Variants in RABGEF1 observed in about 807,000 individuals in gnomAD.
The protein encoded by RABGEF1 is rab5 GDP/GTP exchange factor.
Under a neutral mutation model 57.3 loss-of-function variants are expected in RABGEF1, and 26 were observed. The observed-to-expected ratio is 0.45, with a 90% CI of 0.33 to 0.63. RABGEF1 has a LOEUF of 0.63. Among genes scored for constraint, RABGEF1 ranks in the 20% least tolerant of loss-of-function variants. The pLI is 0.02. For synonymous variants in RABGEF1, 185 were observed against 210.7 expected, an observed-to-expected ratio of 0.88 and a Z score of 1.06; for missense variants, 464 against 607.6, an observed-to-expected ratio of 0.76 and a Z score of 2.48.
intron 1 of RABGEF1, among the ~76,000 whole-genome samples, chr7:66,711,613 G>A (rs1195692715): frequency 1.3e-5 from 2 of 151,294 alleles, no homozygotes; most frequent in Non-Finnish European, 2.9e-5. Flanking sequence ...TTGAGATGGA[G>A]TCTTGCTCTG....
chr7:66,744,021 T>TTTTTC (rs147814665), intron 1 of RABGEF1, among the ~76,000 whole-genome samples: 13 of 148,354 alleles, frequency 8.8e-5, no homozygotes, highest in East Asian at 5.9e-4. Flanking sequence ...ATTATTTGCT[T>TTTTTC]TTTTCTTTTC....
chr7:66,748,227 C>G (rs1417226322), intron 1 of RABGEF1, among the ~76,000 whole-genome samples: 1 of 152,136 alleles, frequency 6.6e-6, no homozygotes, highest in Non-Finnish European at 1.5e-5. Context: ...GACATAACAT[C>G]AAAACATTCC....
chr7:66,804,671 G>C (rs529310752), intron 7 of RABGEF1, among the ~76,000 whole-genome samples: 169 of 151,300 alleles, frequency 1.1e-3, no homozygotes, highest in African/African-American at 3.8e-3. Context: ...GGAGGCGGAG[G>C]TTGCAGTGAG....
Position 66,702,936 on chromosome 7 carries a change from C to G in RABGEF1, c.-872-9231C>G, listed in dbSNP as rs188713034. 4.6e-3 allele frequency among the ~76,000 whole-genome samples: 700 copies of G among 152,064 alleles called. 8 individuals carry two copies. The highest frequency in any genetic ancestry group is 0.016 in the African/African-American group (668 of 41,496). On this transcript the variant is annotated intron_variant and NMD_transcript_variant, in intron 1 of 9. Transcript: ENST00000607882. The stretch of plus-strand genomic sequence containing the variant: ...TGTCATTCTGTAGGGTTTATTTTCA[C>G]TTTTTTGATAGTGTCTTTTAATGTA...
chr7:66,700,505 A>AGTTG (rs1793089984), intron 1 of RABGEF1, among the ~76,000 whole-genome samples: 1 of 60,106 alleles, frequency 1.7e-5, no homozygotes, highest in Non-Finnish European at 4.2e-5. Flanking sequence ...GAGGTAGGGG[A>AGTTG]GGGGAAAGGG....
At chr7:66,788,084 A>G (rs774954943) in intron 4 of RABGEF1, among the ~76,000 whole-genome samples, 1 of 152,162 alleles carries the variant, frequency 6.6e-6, no homozygotes, top group Non-Finnish European at 1.5e-5. Context: ...TCCTGCTTTT[A>G]AAGGGGGCAG....
chr7:66,762,563 T>C (rs1392885263), intron 1 of RABGEF1, among the ~76,000 whole-genome samples: 1 of 151,464 alleles, frequency 6.6e-6, no homozygotes, highest in Admixed American at 6.6e-5. Flanking sequence ...CACTCTAGTC[T>C]AGGTGACAGG....
chr7:66,722,002 C>CA (rs1796106185), intron 2 of RABGEF1, among the ~76,000 whole-genome samples: 1 of 151,640 alleles, frequency 6.6e-6, no homozygotes, highest in African/African-American at 2.4e-5. Flanking sequence ...TTCAAAAAAT[C>CA]AAAAAAATTA....
intron 8 of RABGEF1, among the ~76,000 whole-genome samples, chr7:66,807,635 A>T (rs1788730964): frequency 6.6e-6 from 1 of 152,056 alleles, no homozygotes; most frequent in East Asian, 1.9e-4. Flanking sequence ...CTTCCCCTTC[A>T]GATGTTTGTT....
chr7:66,731,142 G>C (rs1049678229), intron 2 of RABGEF1, among the ~76,000 whole-genome samples: 11 of 152,338 alleles, frequency 7.2e-5, no homozygotes, highest in African/African-American at 2.6e-4. Flanking sequence ...GCCAGGTAAG[G>C]GGAAGGTTAG....
chr7:66,697,460 G>GCT (rs530960716), intron 1 of RABGEF1, among the ~76,000 whole-genome samples: 4 of 152,142 alleles, frequency 2.6e-5, no homozygotes, highest in Non-Finnish European at 5.9e-5. Context: ...CTTCACAGTG[G>GCT]CTCTGTCTGC....
intron 3 of RABGEF1, among the ~76,000 whole-genome samples, chr7:66,777,393 C>T (rs1808808878): frequency 1.3e-5 from 2 of 151,790 alleles, no homozygotes; most frequent in South Asian, 4.1e-4. Flanking sequence ...AATATTTTTC[C>T]ATTATATTCC....
chr7:66,804,530 T>G (rs920264204), intron 7 of RABGEF1, among the ~76,000 whole-genome samples: 2 of 151,874 alleles, frequency 1.3e-5, no homozygotes, highest in African/African-American at 2.4e-5. Context: ...AGGTCAAGAG[T>G]TCGAGACCAG....
intron 1 of RABGEF1, among the ~76,000 whole-genome samples, chr7:66,741,543 C>G (rs190199654): frequency 6.6e-6 from 1 of 152,034 alleles, no homozygotes; most frequent in East Asian, 1.9e-4. Flanking sequence ...CCAATCCTTG[C>G]GGTTGGGAAA....
chr7:66,757,369 T>C (rs979118913), intron 1 of RABGEF1, among the ~76,000 whole-genome samples: 1 of 152,248 alleles, frequency 6.6e-6, no homozygotes, highest in African/African-American at 2.4e-5. Context: ...AAGTTAGCCA[T>C]TTTAAAGTTA....
upstream of RABGEF1, among the ~76,000 whole-genome samples, chr7:66,681,136 C>T (rs1181979814): frequency 1.3e-5 from 2 of 152,130 alleles, no homozygotes; most frequent in Non-Finnish European, 2.9e-5. Context: ...AACACCACAG[C>T]GACAATTAGC....
At chr7:66,678,092 A>G (rs1789415814), upstream of RABGEF1, among the ~76,000 whole-genome samples, 1 of 151,952 alleles carries the variant, frequency 6.6e-6, no homozygotes, top group Non-Finnish European at 1.5e-5. Context: ...AGGAAAATCC[A>G]TGCTACTAAG....
chr7:66,752,530 A>G (rs1198383886), intron 1 of RABGEF1, among the ~76,000 whole-genome samples: 1 of 151,990 alleles, frequency 6.6e-6, no homozygotes, highest in Non-Finnish European at 1.5e-5. Context: ...TGTCTCTTCC[A>G]AAAGCTCTCT....
chr7:66,723,669 C>T (rs1446898291), intron 2 of RABGEF1, among the ~76,000 whole-genome samples: 1 of 151,950 alleles, frequency 6.6e-6, no homozygotes, highest in East Asian at 1.9e-4. Flanking sequence ...CAACCTCTGC[C>T]TCCTGGGTTC....
Sources: allele counts gnomAD v4.1 joint callset (sites outside exome capture counted in the v4.1 genomes callset), GRCh38; gene constraint gnomAD v4.1.1; transcripts MANE v1.5; gene names NCBI Gene and HGNC (gene_info 2026-07-23, HGNC 2026-07-21).